The following CCDC6 variants were observed in gnomAD, a reference collection of about 807,000 sequenced individuals.
The protein encoded by CCDC6 is coiled-coil domain-containing protein 6.
In CCDC6, 20 loss-of-function variants were observed where a neutral mutation model predicts 56.6. That is an observed-to-expected ratio of 0.35 (90% CI 0.25 to 0.51). The LOEUF is 0.51. Ranked by LOEUF, CCDC6 falls within the 20% of genes least tolerant of loss-of-function variation. CCDC6 has a pLI of 0.95. For missense variants in CCDC6, 367 were observed against 601.1 expected (o/e 0.61, Z 4.07); for synonymous variants, 241 against 234.4 (o/e 1.03, Z -0.26).
intron 2 of CCDC6, among the ~76,000 whole-genome samples, chr10:59,834,118 G>A (rs1277932440): frequency 6.6e-6 from 1 of 152,120 alleles, no homozygotes; most frequent in Non-Finnish European, 1.5e-5. Flanking sequence ...CCCTCCTTAG[G>A]GTGGAGTGGA....
intron 2 of CCDC6, among the ~76,000 whole-genome samples, chr10:59,839,873 T>C (rs894916784): frequency 6.6e-6 from 1 of 152,196 alleles, no homozygotes; most frequent in South Asian, 2.1e-4. Context: ...GTCGCCAGGC[T>C]GTAGTATAGT....
At position 59,789,848 on chromosome 10, in the gene CCDC6, C is replaced by T. The variant is rs1256116030; in HGVS notation, c.*3069G>A. ...AAAGGGTGATACATGTTCTATTTTCCTACAAGTGAACAATTAACAAAAATT... is the reference window on the plus strand; with the variant it reads ...AAAGGGTGATACATGTTCTATTTTCTTACAAGTGAACAATTAACAAAAATT... On this transcript the variant is annotated 3_prime_UTR_variant, in exon 9 of 9. Coordinates refer to ENST00000263102, the MANE Select transcript of CCDC6 (RefSeq NM_005436.5). 1 of 217,906 alleles carries T rather than the reference C, an allele frequency of 4.6e-6. No individual in the cohort carries two copies. The highest frequency in any genetic ancestry group is 9.2e-6 in the Non-Finnish European group (1 of 108,308). 13.5% of individuals were successfully genotyped at this position (217,906 alleles called of 1,614,324 possible). A position where few individuals can be genotyped will look rare whatever the true frequency, so the allele number is the denominator to read the frequency against.
At chr10:59,872,098 A>C (rs1208599909) in intron 1 of CCDC6, among the ~76,000 whole-genome samples, 1 of 152,220 alleles carries the variant, frequency 6.6e-6, no homozygotes, top group Non-Finnish European at 1.5e-5. Flanking sequence ...CGCACACTGT[A>C]TCCTCACTCC....
At chr10:59,806,481 TCAA>T (rs1219970703) in intron 6 of CCDC6, 1 of 153,540 alleles carries the variant, frequency 6.5e-6, no homozygotes, top group Non-Finnish European at 1.4e-5. Context: ...CCTTGGGATT[TCAA>T]CAACCCCCAC....
At chr10:59,902,121 G>A (rs1383775758) in intron 1 of CCDC6, among the ~76,000 whole-genome samples, 1 of 152,164 alleles carries the variant, frequency 6.6e-6, no homozygotes, top group East Asian at 1.9e-4. Flanking sequence ...CTGAAAGACT[G>A]CTTACTGTTG....
intron 3 of CCDC6, among the ~76,000 whole-genome samples, chr10:59,826,286 A>T (rs1170229102): frequency 6.6e-6 from 1 of 152,124 alleles, no homozygotes; most frequent in African/African-American, 2.4e-5. Flanking sequence ...TGTTCTTGGC[A>T]TCTTTACTCT....
At position 59,862,306 on chromosome 10, in the gene CCDC6, G is replaced by A. The variant is rs58832266; in HGVS notation, c.304-9604C>T. 8.2e-3 allele frequency among the ~76,000 whole-genome samples: 1,250 copies of A among 151,684 alleles called. 17 individuals are homozygous for A. Among genetic ancestry groups the A allele is most frequent in the African/African-American group, 0.029 (1,176 of 41,234 alleles). On this transcript the variant is annotated intron_variant, in intron 1 of 8. Transcript: ENST00000263102. ...GTTCAAGACCAGCCTGCCCAACATA[G>A]TGAAACCGTGTCTCTGCTAAAAACA...
chr10:59,901,723 G>A (rs1252166581), intron 1 of CCDC6, among the ~76,000 whole-genome samples: 1 of 152,148 alleles, frequency 6.6e-6, no homozygotes, highest in African/African-American at 2.4e-5. Flanking sequence ...CTTATACACG[G>A]AGAATGCCAG....
At position 59,831,430 on chromosome 10, in the gene CCDC6, C is replaced by G. The variant is rs570640172; in HGVS notation, c.582+1095G>C. 1.5e-4 allele frequency among the ~76,000 whole-genome samples: 23 copies of G among 152,322 alleles called. No individual in the cohort carries two copies. In the South Asian group the frequency reaches 4.4e-3, roughly 29 times the overall value. ...CCCTTCAAACCTTGCAGCACGATCA[C>G]TGTTTCATTCTCAGGTAAAATATTC... On this transcript the variant is annotated intron_variant, in intron 3 of 8. Transcript: ENST00000263102.
chr10:59,807,443 T>A (rs997650145), intron 5 of CCDC6, among the ~76,000 whole-genome samples: 1 of 152,120 alleles, frequency 6.6e-6, no homozygotes, highest in Non-Finnish European at 1.5e-5. Flanking sequence ...GAGACTGAGC[T>A]ACTGCACTTC....
intron 1 of CCDC6, among the ~76,000 whole-genome samples, chr10:59,865,068 G>T (rs1360197595): frequency 6.6e-6 from 1 of 152,310 alleles, no homozygotes. Context: ...GCCCTTGGAA[G>T]ATGTGTTGTT....
In CCDC6 at chr10:59,853,570, A is replaced by G. The variant is rs539785009; in HGVS notation, c.304-868T>C. Among the ~76,000 whole-genome samples, 10 of 152,272 alleles carry G rather than the reference A, an allele frequency of 6.6e-5. No individual in the cohort carries two copies. The East Asian group carries it at 1.9e-3, about 29-fold the overall frequency. On this transcript the variant is annotated intron_variant, in intron 1 of 8. Coordinates refer to ENST00000263102, the MANE Select transcript of CCDC6 (RefSeq NM_005436.5). ...TAAAATAAAAAATAAAAGGCATTAC[A>G]AATGTACATGGACACGTGTTCACTG...
intron 1 of CCDC6, among the ~76,000 whole-genome samples, chr10:59,858,120 T>C (rs2071095075): frequency 6.6e-6 from 1 of 152,172 alleles, no homozygotes; most frequent in Non-Finnish European, 1.5e-5. Context: ...AATATTTAAG[T>C]GCCGGTGCAG....
At chr10:59,862,514 T>TACACAC (rs1349936378) in intron 1 of CCDC6, among the ~76,000 whole-genome samples, 116 of 73,000 alleles carry the variant, frequency 1.6e-3, no homozygotes, top group African/African-American at 8.2e-3. Context: ...TATATATATA[T>TACACAC]ATACACACAC....
chr10:59,892,275 T>C (rs745988069), intron 1 of CCDC6, among the ~76,000 whole-genome samples: 1 of 152,062 alleles, frequency 6.6e-6, no homozygotes, highest in Non-Finnish European at 1.5e-5. Context: ...AAAAACACAA[T>C]GGAAAGAGCT....
chr10:59,905,877 G>A (rs1319691398), intron 1 of CCDC6, among the ~76,000 whole-genome samples: 2 of 152,198 alleles, frequency 1.3e-5, no homozygotes, highest in African/African-American at 4.8e-5. Context: ...GACCATGAAT[G>A]GTTGCCACAG....
In CCDC6 at chr10:59,790,874, A is replaced by G. The variant is rs2070461119; in HGVS notation, c.*2043T>C. 3 of 209,538 alleles carry G rather than the reference A, an allele frequency of 1.4e-5. No individual in the cohort carries two copies. The highest frequency in any genetic ancestry group is 2.9e-5 in the Non-Finnish European group (3 of 102,900). 13.0% of individuals were successfully genotyped at this position (209,538 alleles called of 1,614,324 possible). Reference sequence around the variant, plus strand: ...TAAATCGATAGGAAGCTGAGGGAAGATCATTCCATTATGGACTTTCTTGTT... The same window carrying G: ...TAAATCGATAGGAAGCTGAGGGAAGGTCATTCCATTATGGACTTTCTTGTT... On this transcript the variant is annotated 3_prime_UTR_variant, in exon 9 of 9. Transcript: ENST00000263102.
chr10:59,842,177 G>A (rs1212431147), intron 2 of CCDC6, among the ~76,000 whole-genome samples: 4 of 151,994 alleles, frequency 2.6e-5, no homozygotes, highest in African/African-American at 4.8e-5. Context: ...GAGTAGCTGG[G>A]ACTACAGGCG....
intron 7 of CCDC6, among the ~76,000 whole-genome samples, chr10:59,795,746 G>T (rs546562227): frequency 6.6e-6 from 1 of 151,354 alleles, no homozygotes; most frequent in African/African-American, 2.4e-5. Context: ...TTGTCCTTGC[G>T]ATAGTTTACT....
Sources: allele counts gnomAD v4.1 joint callset (sites outside exome capture counted in the v4.1 genomes callset), GRCh38; gene constraint gnomAD v4.1.1; transcripts MANE v1.5; gene names NCBI Gene and HGNC (gene_info 2026-07-23, HGNC 2026-07-21).